LRP1B: variants seen among roughly 807,000 people sequenced by gnomAD.
LRP1B encodes the protein LDL receptor related protein 1B.
Under a neutral mutation model 556.6 loss-of-function variants are expected in LRP1B, and 217 were observed. The ratio of observed to expected loss-of-function variants is 0.39; its 90% CI spans 0.35 to 0.44. LRP1B has a LOEUF of 0.44. Ranked by LOEUF, LRP1B falls within the 20% of genes least tolerant of loss-of-function variation. The pLI, the probability that LRP1B is intolerant of heterozygous loss-of-function variation, is 1.00. For synonymous variants in LRP1B, 2,047 were observed against 1,865.8 expected (o/e 1.10, Z -2.50); for missense variants, 5,053 against 5,620.8 (o/e 0.90, Z 3.23).
At chr2:140,401,912 A>C (rs947196610) in intron 66 of LRP1B, among the ~76,000 whole-genome samples, 17 of 152,182 alleles carry the variant, frequency 1.1e-4, no homozygotes, top group African/African-American at 3.9e-4. Flanking sequence ...TTATAATCAG[A>C]ATTTGAGAAA....
At chr2:142,037,426 A>C (rs111974187) in intron 1 of LRP1B, among the ~76,000 whole-genome samples, 149 of 151,776 alleles carry the variant, frequency 9.8e-4, no homozygotes, top group African/African-American at 3.5e-3. Flanking sequence ...GGGATAATGA[A>C]AAGAAGCAGG....
At chr2:140,766,014 A>T (rs1689091364) in intron 35 of LRP1B, among the ~76,000 whole-genome samples, 1 of 152,096 alleles carries the variant, frequency 6.6e-6, no homozygotes, top group African/African-American at 2.4e-5. Context: ...AAAGTATAAT[A>T]ACAATAAAAT....
At chr2:140,907,390 T>C (rs1414055439) in intron 22 of LRP1B, among the ~76,000 whole-genome samples, 1 of 152,100 alleles carries the variant, frequency 6.6e-6, no homozygotes, top group Non-Finnish European at 1.5e-5. Flanking sequence ...GACTAAAAAT[T>C]TGAAGGAAAA....
intron 6 of LRP1B, among the ~76,000 whole-genome samples, chr2:141,213,677 C>G (rs1456307457): frequency 6.6e-6 from 1 of 152,176 alleles, no homozygotes; most frequent in East Asian, 1.9e-4. Context: ...TATCTGAGGA[C>G]CTTCTGTTTG....
intron 51 of LRP1B, among the ~76,000 whole-genome samples, chr2:140,512,714 A>G (rs570544540): frequency 6.6e-6 from 1 of 152,202 alleles, no homozygotes; most frequent in Non-Finnish European, 1.5e-5. Context: ...GTGCATATCA[A>G]TAAAGAATGT....
intron 2 of LRP1B, among the ~76,000 whole-genome samples, chr2:141,754,400 G>A (rs570007108): frequency 6.6e-6 from 1 of 152,234 alleles, no homozygotes; most frequent in African/African-American, 2.4e-5. Flanking sequence ...AGTCAGCAGT[G>A]TATAATTCAA....
At chr2:140,289,691 A>G (rs1683297221) in intron 84 of LRP1B, among the ~76,000 whole-genome samples, 1 of 151,904 alleles carries the variant, frequency 6.6e-6, no homozygotes, top group South Asian at 2.1e-4. Context: ...GTCTTCAACA[A>G]ATTTTTACAA....
intron 1 of LRP1B, among the ~76,000 whole-genome samples, chr2:141,928,862 A>C (rs1700409617): frequency 1.3e-5 from 2 of 152,116 alleles, no homozygotes; most frequent in African/African-American, 2.4e-5. Context: ...AAAACATGTA[A>C]GTCAGGGTGA....
chr2:142,005,962 T>C (rs1157893719), intron 1 of LRP1B, among the ~76,000 whole-genome samples: 3 of 151,018 alleles, frequency 2.0e-5, no homozygotes, highest in Non-Finnish European at 4.4e-5. Flanking sequence ...CTCAAATAAC[T>C]GAATAGAAAA....
At chr2:141,082,015 CTTT>C (rs1699935295) in intron 7 of LRP1B, among the ~76,000 whole-genome samples, 2 of 151,932 alleles carry the variant, frequency 1.3e-5, no homozygotes, top group African/African-American at 4.8e-5. Context: ...TTAAAATTAC[CTTT>C]TTGTCTCAAT....
chr2:141,688,434 TA>T (rs1307879081), intron 2 of LRP1B, among the ~76,000 whole-genome samples: 1 of 151,900 alleles, frequency 6.6e-6, no homozygotes, highest in African/African-American at 2.4e-5. Context: ...CACATATTTT[TA>T]AAAACCTGAG....
chr2:141,850,229 CT>C (rs1434153765), intron 1 of LRP1B, among the ~76,000 whole-genome samples: 1 of 151,578 alleles, frequency 6.6e-6, no homozygotes, highest in South Asian at 2.1e-4. Flanking sequence ...CATTTTTATG[CT>C]TTTTTTCCCC....
intron 75 of LRP1B, among the ~76,000 whole-genome samples, chr2:140,353,392 T>C (rs1185766877): frequency 6.6e-6 from 1 of 152,108 alleles, no homozygotes; most frequent in Non-Finnish European, 1.5e-5. Context: ...TTTAAGTTCA[T>C]GGATACAAGT....
intron 2 of LRP1B, among the ~76,000 whole-genome samples, chr2:141,583,079 G>A (rs995467054): frequency 8.6e-5 from 13 of 151,934 alleles, no homozygotes; most frequent in East Asian, 5.8e-4. Context: ...CTCGTGATCC[G>A]CCCCCTTTGG....
intron 43 of LRP1B, among the ~76,000 whole-genome samples, chr2:140,547,084 T>C (rs901450692): frequency 6.6e-6 from 1 of 152,180 alleles, no homozygotes; most frequent in Non-Finnish European, 1.5e-5. Context: ...TTGCTATCAA[T>C]GTTCATCAAG....
chr2:140,919,335 C>A (rs1432020704), intron 21 of LRP1B, among the ~76,000 whole-genome samples: 6 of 151,834 alleles, frequency 4.0e-5, no homozygotes, highest in Admixed American at 3.3e-4. Flanking sequence ...TATCCTAAAA[C>A]AATATTGGAT....
At chr2:140,487,471 G>A in intron 58 of LRP1B, 146 bp downstream of exon 58, 1 of 610,616 alleles carries the variant, frequency 1.6e-6, no homozygotes, top group Non-Finnish European at 2.7e-6. Context: ...CATATTTAAA[G>A]TTTTAATCAC....
chr2:141,206,398 G>A (rs200229953), intron 6 of LRP1B, among the ~76,000 whole-genome samples: 2 of 151,702 alleles, frequency 1.3e-5, no homozygotes, highest in East Asian at 2.0e-4. Flanking sequence ...TGGCTAACAC[G>A]GTGAAACCCC....
At chr2:141,585,618 G>A (rs1687111331) in intron 2 of LRP1B, among the ~76,000 whole-genome samples, 1 of 151,830 alleles carries the variant, frequency 6.6e-6, no homozygotes, top group East Asian at 1.9e-4. Flanking sequence ...CCTATTTCAT[G>A]TCCCTGATTG....
Sources: allele counts gnomAD v4.1 joint callset (sites outside exome capture counted in the v4.1 genomes callset), GRCh38; gene constraint gnomAD v4.1.1; transcripts MANE v1.5; gene names NCBI Gene and HGNC (gene_info 2026-07-23, HGNC 2026-07-21).